Variants in PIAS2 observed in about 807,000 individuals in gnomAD.
PIAS2 encodes protein inhibitor of activated STAT 2.
A neutral mutation model predicts 69.7 loss-of-function variants in PIAS2; 19 were observed. The ratio of observed to expected loss-of-function variants is 0.27; its 90% confidence interval spans 0.19 to 0.40. PIAS2 has a LOEUF of 0.40. Among genes scored for constraint, PIAS2 ranks in the 10% least tolerant of loss-of-function variants. PIAS2 has a pLI of 1.00. For synonymous variants in PIAS2, 261 were observed against 263.2 expected, an observed-to-expected ratio of 0.99 and a Z score of 0.08; for missense variants, 624 against 757.0, an observed-to-expected ratio of 0.82 and a Z score of 2.06.
At position 46,803,304 on chromosome 18, in the gene PIAS2, G is replaced by C. The variant is rs2040550418; in HGVS notation, c.*9129C>G. 1 of 152,080 alleles carries C rather than the reference G, an allele frequency of 6.6e-6. No homozygotes were observed. Among genetic ancestry groups the C allele is most frequent in the Non-Finnish European group, 1.5e-5 (1 of 68,014 alleles). The allele number at this position is 152,080 out of a possible 1,614,324, so 9.4% of individuals were successfully genotyped here. A position where few individuals can be genotyped will look rare whatever the true frequency, so the allele number is the denominator to read the frequency against. ...AATAAAATATGGTGGTATTTTAAAT[G>C]AAAGTTTTTTAAAAAATGGATACTT... On this transcript the variant is annotated 3_prime_UTR_variant, in exon 14 of 14. Coordinates refer to ENST00000585916, the MANE Select transcript of PIAS2 (RefSeq NM_004671.5).
At position 46,807,034 on chromosome 18, in the gene PIAS2, G is replaced by A. The variant is rs1271721710; in HGVS notation, c.*5399C>T. On this transcript the variant is annotated 3_prime_UTR_variant, in exon 14 of 14. Transcript: ENST00000585916. ...ATAAGGGAATATAAAGTGAAAACAG[G>A]CAATGTTTGCCTGTTTTTATAGCTT... The A allele has an allele frequency of 8.1e-6, 1 of 122,768 alleles. No homozygotes were observed. The highest frequency in any genetic ancestry group is 1.9e-5 in the Non-Finnish European group (1 of 53,036). The allele number at this position is 122,768 out of a possible 1,614,324, so 7.6% of individuals were successfully genotyped here. A position where few individuals can be genotyped will look rare whatever the true frequency, so the allele number is the denominator to read the frequency against.
At chr18:46,860,729 T>C (rs1235648696) in intron 3 of PIAS2, among the ~76,000 whole-genome samples, 2 of 151,976 alleles carry the variant, frequency 1.3e-5, no homozygotes, top group African/African-American at 4.8e-5. Context: ...GTAAACCCAA[T>C]AGTTTGGGGG....
At chr18:46,820,689 A>G (rs1265425263) in intron 12 of PIAS2, among the ~76,000 whole-genome samples, 1 of 152,190 alleles carries the variant, frequency 6.6e-6, no homozygotes, top group African/African-American at 2.4e-5. Flanking sequence ...TTCAAAAGGA[A>G]GAATAAAATC....
rs116999500 is a variant in PIAS2, at chr18:46,888,734, C to A, written c.499+1846G>T. The stretch of plus-strand genomic sequence containing the variant: ...TACATGCACAGTTCACAGTAGGGTT[C>A]CTGCACCTATGAGAATCTAATGCCA... On this transcript the variant is annotated intron_variant, in intron 2 of 13. Transcript: ENST00000585916. Among the ~76,000 whole-genome samples, 44 of 152,266 alleles carry A rather than the reference C, an allele frequency of 2.9e-4. No homozygotes were observed. In the East Asian group the frequency reaches 8.5e-3, roughly 29 times the overall value.
intron 2 of PIAS2, among the ~76,000 whole-genome samples, chr18:46,886,310 T>C (rs114877915): frequency 0.019 from 2,947 of 152,176 alleles, 82 homozygotes; most frequent in African/African-American, 0.066. Flanking sequence ...TCCTTCAACA[T>C]AGATAAGGAA....
At chr18:46,895,021 C>T (rs1004721096) in intron 1 of PIAS2, among the ~76,000 whole-genome samples, 15 of 149,654 alleles carry the variant, frequency 1.0e-4, no homozygotes, top group Non-Finnish European at 1.8e-4. Context: ...TGCAGTGAGT[C>T]GAGACCATAC....
intron 7 of PIAS2, among the ~76,000 whole-genome samples, chr18:46,844,528 T>C (rs373057048): frequency 3.3e-5 from 5 of 152,222 alleles, no homozygotes; most frequent in African/African-American, 1.2e-4. Flanking sequence ...TAAAAATATT[T>C]ATACTTCCTT....
chr18:46,902,347 G>A (rs778973178), intron 1 of PIAS2, among the ~76,000 whole-genome samples: 10 of 151,788 alleles, frequency 6.6e-5, no homozygotes, highest in African/African-American at 2.4e-4. Flanking sequence ...ACCTGAGGCC[G>A]GGAGTTCGAA....
chr18:46,864,202 A>G lies in PIAS2; in HGVS notation c.546T>C (p.Ala182=), dbSNP rs1390293850. 1 of 1,598,460 alleles carries G rather than the reference A, an allele frequency of 6.3e-7. No homozygotes were observed. Among genetic ancestry groups the G allele is most frequent in the Non-Finnish European group, 8.5e-7 (1 of 1,172,458 alleles). The part of the protein sequence containing the change: ...QRFQEKFFIF[A]LTPQQVREIC... ...TCTCTCTAACTTGTTGAGGTGTCAA[A>G]GCAAAAATAAAAAACTTCTCTTGAA... The change falls in exon 3 of 14, where the codon GCT becomes GCC. Residue 182 remains alanine, a synonymous_variant. Transcript: ENST00000585916.
At chr18:46,880,655 A>AC (rs1269000329) in intron 2 of PIAS2, among the ~76,000 whole-genome samples, 1 of 152,224 alleles carries the variant, frequency 6.6e-6, no homozygotes, top group Non-Finnish European at 1.5e-5. Flanking sequence ...CTTCAAAAAT[A>AC]AATAGGGGCT....
chr18:46,846,928 AT>A, intron 5 of PIAS2, 87 bp from the exon 6 acceptor site: 1 of 1,142,130 alleles, frequency 8.8e-7, no homozygotes, highest in Non-Finnish European at 1.2e-6. Flanking sequence ...ATCCTGCCCA[AT>A]TTCAGTTACA....
At chr18:46,904,377 T>G (rs1489661491) in intron 1 of PIAS2, among the ~76,000 whole-genome samples, 1 of 152,032 alleles carries the variant, frequency 6.6e-6, no homozygotes, top group Non-Finnish European at 1.5e-5. Flanking sequence ...TTGAAAGAGA[T>G]AAAACTGAAA....
Position 46,809,977 on chromosome 18 carries a change from C to G in PIAS2, c.*2456G>C, listed in dbSNP as rs945357644. ...AAACAGTGACCACATTAAAGGCTGA[C>G]GGATTAATAATCATGATGTTGCCAT... On this transcript the variant is annotated 3_prime_UTR_variant, in exon 14 of 14. Coordinates refer to ENST00000585916, the MANE Select transcript of PIAS2 (RefSeq NM_004671.5). 2 of 152,036 alleles carry G rather than the reference C, an allele frequency of 1.3e-5. No homozygotes were observed. Among genetic ancestry groups the G allele is most frequent in the African/African-American group, 4.8e-5 (2 of 41,396 alleles). The allele number at this position is 152,036 out of a possible 1,614,324, so 9.4% of individuals were successfully genotyped here.
chr18:46,863,227 T>C (rs1413919726), intron 3 of PIAS2, among the ~76,000 whole-genome samples: 6 of 152,190 alleles, frequency 3.9e-5, no homozygotes, highest in African/African-American at 1.4e-4. Context: ...TTAGTAATGT[T>C]TACTTTCACT....
At chr18:46,817,202 T>C in intron 12 of PIAS2, 1 of 965,916 alleles carries the variant, frequency 1.0e-6, no homozygotes, top group Non-Finnish European at 1.2e-6. Flanking sequence ...TAATATTTGC[T>C]GTATCTCTCA....
At chr18:46,885,048 T>C (rs2052924915) in intron 2 of PIAS2, among the ~76,000 whole-genome samples, 1 of 152,212 alleles carries the variant, frequency 6.6e-6, no homozygotes, top group Non-Finnish European at 1.5e-5. Flanking sequence ...ATCCATTTTG[T>C]TAACAGTAGA....
At chr18:46,864,827 C>T (rs1462572379) in intron 2 of PIAS2, among the ~76,000 whole-genome samples, 1 of 150,924 alleles carries the variant, frequency 6.6e-6, no homozygotes, top group Non-Finnish European at 1.5e-5. Context: ...TTCAATATTA[C>T]ATTTCATTCT....
chr18:46,828,755 C>CCCACAAAG, intron 10 of PIAS2, among the ~76,000 whole-genome samples: 1 of 152,242 alleles, frequency 6.6e-6, no homozygotes, highest in South Asian at 2.1e-4. Context: ...GTTCTTTCTA[C>CCCACAAAG]CCACAAAGAC....
Position 46,885,062 on chromosome 18 carries a change from T to A in PIAS2, c.499+5518A>T, listed in dbSNP as rs566778907. ...TATCCATTTTGTTAACAGTAGAACC[T>A]TAGCTACAGAGCACTTTATTTAGTA... On this transcript the variant is annotated intron_variant, in intron 2 of 13. Coordinates refer to ENST00000585916, the MANE Select transcript of PIAS2 (RefSeq NM_004671.5). 2.0e-5 allele frequency among the ~76,000 whole-genome samples: 3 copies of A among 152,338 alleles called. No homozygotes were observed. The South Asian group carries it at 6.2e-4, about 32-fold the overall frequency.
Sources: allele counts gnomAD v4.1 joint callset (sites outside exome capture counted in the v4.1 genomes callset), GRCh38; gene constraint gnomAD v4.1.1; transcripts MANE v1.5; gene names NCBI Gene and HGNC (gene_info 2026-07-23, HGNC 2026-07-21).